MAP7: variants seen among roughly 807,000 people sequenced by gnomAD.
MAP7 encodes the protein microtubule associated protein 7.
In MAP7, 52 loss-of-function variants were observed where a neutral mutation model predicts 94.8. That is an observed-to-expected ratio of 0.55 (90% confidence interval 0.44 to 0.69). MAP7 has a LOEUF of 0.69. MAP7 is among the 30% of genes least tolerant of loss of function. MAP7 has a pLI of 0.00. For synonymous variants in MAP7, 350 were observed against 357.0 expected (o/e 0.98, Z 0.22); for missense variants, 940 against 964.6 (o/e 0.97, Z 0.34).
chr6:136,467,691 T>C (rs561888579), intron 1 of MAP7, among the ~76,000 whole-genome samples: 2 of 152,294 alleles, frequency 1.3e-5, no homozygotes, highest in Non-Finnish European at 2.9e-5. Flanking sequence ...TTTAGGGTCA[T>C]AGAGTGGGAA....
At chr6:136,512,603 A>G (rs1313442329) in intron 1 of MAP7, among the ~76,000 whole-genome samples, 1 of 152,236 alleles carries the variant, frequency 6.6e-6, no homozygotes, top group Non-Finnish European at 1.5e-5. Context: ...CAGTGCATAC[A>G]AAAGTTGTGT....
At chr6:136,462,917 G>A (rs974161690) in intron 1 of MAP7, among the ~76,000 whole-genome samples, 2 of 145,998 alleles carry the variant, frequency 1.4e-5, no homozygotes, top group Admixed American at 6.9e-5. Context: ...AGTCAAGATC[G>A]TGACTCCAGC....
chr6:136,530,598 T>A lies in MAP7; in HGVS notation c.67+19744A>T, dbSNP rs559365779. 5.9e-4 allele frequency among the ~76,000 whole-genome samples: 72 copies of A among 122,374 alleles called. 19 individuals carry two copies. The highest frequency in any genetic ancestry group is 3.5e-3 in the African/African-American group (65 of 18,312). The allele number at this position is 122,374 out of a possible 152,430, so 80.3% of individuals were successfully genotyped here. ...GTTCTTTGCCACTCTATTCTTGAAG[T>A]TAAAGGGCAGCCTCAGAGTTTCCTA... On this transcript the variant is annotated intron_variant, in intron 1 of 17. Transcript: ENST00000354570.
chr6:136,400,440 G>A (rs891936861), intron 3 of MAP7, among the ~76,000 whole-genome samples: 4 of 151,144 alleles, frequency 2.6e-5, no homozygotes, highest in African/African-American at 9.7e-5. Context: ...AAGAGTTGGG[G>A]GAAACAACAT....
At chr6:136,468,481 T>C (rs1807877259) in intron 1 of MAP7, among the ~76,000 whole-genome samples, 1 of 152,210 alleles carries the variant, frequency 6.6e-6, no homozygotes. Flanking sequence ...TATGTCCTGA[T>C]AAGCCCATTA....
chr6:136,485,125 T>C (rs1485030898), intron 1 of MAP7, among the ~76,000 whole-genome samples: 2 of 152,228 alleles, frequency 1.3e-5, no homozygotes, highest in African/African-American at 4.8e-5. Context: ...ATTAAATGTA[T>C]ATGAAAAATG....
intron 1 of MAP7, among the ~76,000 whole-genome samples, chr6:136,465,057 T>C (rs575088943): frequency 6.6e-5 from 10 of 152,318 alleles, no homozygotes; most frequent in South Asian, 2.1e-4. Flanking sequence ...ATGTGGACTT[T>C]CATGAATGAG....
chr6:136,501,802 A>G (rs1174710508), intron 1 of MAP7, among the ~76,000 whole-genome samples: 1 of 152,142 alleles, frequency 6.6e-6, no homozygotes, highest in Non-Finnish European at 1.5e-5. Flanking sequence ...AAGGCTCCAG[A>G]TGAAGCCATT....
chr6:136,507,675 G>A (rs1185431189), intron 1 of MAP7, among the ~76,000 whole-genome samples: 4 of 152,154 alleles, frequency 2.6e-5, no homozygotes, highest in African/African-American at 9.7e-5. Context: ...TTTACAGGCT[G>A]CTTGATTAGT....
intron 15 of MAP7, among the ~76,000 whole-genome samples, chr6:136,358,753 A>G (rs1791687478): frequency 6.6e-6 from 1 of 152,238 alleles, no homozygotes; most frequent in Admixed American, 6.5e-5. Context: ...TCATATTGAT[A>G]TCACACATGA....
At chr6:136,546,310 G>GC (rs906099256) in intron 1 of MAP7, among the ~76,000 whole-genome samples, 2 of 148,646 alleles carry the variant, frequency 1.3e-5, no homozygotes, top group African/African-American at 5.1e-5. Context: ...ACTGCCTCTG[G>GC]CCTTTTTTTT....
At chr6:136,506,220 G>A (rs1228348447) in intron 1 of MAP7, among the ~76,000 whole-genome samples, 1 of 152,114 alleles carries the variant, frequency 6.6e-6, no homozygotes, top group Non-Finnish European at 1.5e-5. Flanking sequence ...AGGGAGAATT[G>A]AATATACATA....
chr6:136,501,342 G>A (rs193214426), intron 1 of MAP7, among the ~76,000 whole-genome samples: 1 of 152,188 alleles, frequency 6.6e-6, no homozygotes, highest in African/African-American at 2.4e-5. Flanking sequence ...AGGTGGCCTG[G>A]AGTCAGAGGG....
At chr6:136,435,784 G>A (rs1310573286) in intron 1 of MAP7, among the ~76,000 whole-genome samples, 1 of 152,164 alleles carries the variant, frequency 6.6e-6, no homozygotes, top group Admixed American at 6.5e-5. Flanking sequence ...ATTTGAGGAA[G>A]CAAGAAAACC....
intron 8 of MAP7, among the ~76,000 whole-genome samples, chr6:136,371,555 C>T (rs1229172070): frequency 2.6e-5 from 4 of 152,344 alleles, no homozygotes; most frequent in African/African-American, 9.6e-5. Context: ...CTGAATTATC[C>T]TTTAAGCAAA....
At chr6:136,402,798 C>A (rs1013435321) in intron 3 of MAP7, among the ~76,000 whole-genome samples, 6 of 148,834 alleles carry the variant, frequency 4.0e-5, no homozygotes, top group African/African-American at 1.5e-4. Flanking sequence ...CCCAGCTACT[C>A]GGGAGGCTGA....
chr6:136,513,566 A>C (rs1008363323), intron 1 of MAP7, among the ~76,000 whole-genome samples: 1 of 152,176 alleles, frequency 6.6e-6, no homozygotes, highest in African/African-American at 2.4e-5. Context: ...CCTCAAAGTC[A>C]TTCATGAAGG....
intron 1 of MAP7, among the ~76,000 whole-genome samples, chr6:136,496,686 T>C (rs996453384): frequency 6.7e-6 from 1 of 150,082 alleles, no homozygotes; most frequent in Admixed American, 6.7e-5. Context: ...ACACCTGTAA[T>C]TCCAGCACTT....
chr6:136,548,951 T>C (rs1263371546), intron 1 of MAP7, among the ~76,000 whole-genome samples: 2 of 152,156 alleles, frequency 1.3e-5, no homozygotes, highest in African/African-American at 4.8e-5. Flanking sequence ...GCATCTCTTC[T>C]CCACCCCAAA....
Sources: allele counts gnomAD v4.1 joint callset (sites outside exome capture counted in the v4.1 genomes callset), GRCh38; gene constraint gnomAD v4.1.1; transcripts MANE v1.5; gene names NCBI Gene and HGNC (gene_info 2026-07-23, HGNC 2026-07-21).